The following ZNF626 variants were observed in gnomAD, a reference collection of about 807,000 sequenced individuals.
ZNF626 encodes the protein CTC-513N18.7.
In ZNF626, 4 loss-of-function variants were observed where a neutral mutation model predicts 11.7. That is an observed-to-expected ratio of 0.34 (90% CI 0.17 to 0.78). The LOEUF (loss-of-function observed/expected upper bound fraction) is 0.78. Among genes scored for constraint, ZNF626 ranks in the 30% least tolerant of loss-of-function variants. The pLI is 0.57. For synonymous variants in ZNF626, 179 were observed against 198.6 expected (o/e 0.90, Z 0.83); for missense variants, 588 against 587.1 (o/e 1.00, Z -0.01).
chr19:20,661,518 G>T lies in ZNF626; in HGVS notation c.-72C>A. On this transcript the variant is annotated 5_prime_UTR_variant, in exon 1 of 4. It adds an upstream start codon to the 5' untranslated region. Transcript: ENST00000601440. ...TACCTGCAGGACACGGGGCCACACA[G>T]CCTGGGCCTTTAGGAGAAGAACCAG... 1 of 1,538,242 alleles carries T rather than the reference G, an allele frequency of 6.5e-7. No homozygotes were observed. The highest frequency in any genetic ancestry group is 8.7e-7 in the Non-Finnish European group (1 of 1,144,058).
chr19:20,638,696 T>G (rs8100262), intron 3 of ZNF626, among the ~76,000 whole-genome samples: 68,141 of 151,682 alleles, frequency 0.45, 16,572 homozygotes, highest in African/African-American at 0.64. Flanking sequence ...ATGACAAAGT[T>G]AGTTGATGTA....
intron 1 of ZNF626, among the ~76,000 whole-genome samples, chr19:20,648,762 G>A (rs1182842307): frequency 3.3e-5 from 5 of 152,112 alleles, no homozygotes; most frequent in Admixed American, 3.3e-4. Context: ...CTTTACTAAG[G>A]ACCACAGTTT....
chr19:20,640,245 T>A (rs1228781106), intron 3 of ZNF626, among the ~76,000 whole-genome samples: 7 of 48,176 alleles, frequency 1.5e-4, no homozygotes, highest in Non-Finnish European at 2.1e-4. Flanking sequence ...AAATTATTAA[T>A]TTTAATTATT....
rs1318600234 is a variant in ZNF626 at position 20,623,294 on chromosome 19, T to C, written c.*996A>G. ...ATTAAAGGTTTTGCCACATTCTTCA[T>C]GCTTGTAGGAATTTTGCCAGTATGA... On this transcript the variant is annotated 3_prime_UTR_variant, in exon 4 of 4. Transcript: ENST00000601440. 2.6e-5 allele frequency: 4 copies of C among 152,138 alleles called. No homozygotes were observed. Among genetic ancestry groups the C allele is most frequent in the Admixed American group, 6.5e-5 (1 of 15,268 alleles). The allele number at this position is 152,138 out of a possible 1,614,324, so 9.4% of individuals were successfully genotyped here.
intron 3 of ZNF626, among the ~76,000 whole-genome samples, chr19:20,637,166 T>G (rs1969975430): frequency 6.6e-6 from 1 of 152,124 alleles, no homozygotes; most frequent in African/African-American, 2.4e-5. Flanking sequence ...TTAAAGTTCT[T>G]TTATAGAATA....
In ZNF626 at chr19:20,625,457, G is replaced by A; in HGVS notation, c.420C>T (p.Thr140=). Residue 140 remains threonine (T), a synonymous_variant, in exon 4 of 4, where the codon ACC becomes ACT. Transcript: ENST00000601440. ...YNELNQCLTT[T]PRKICQCDKY... ...TATCACATTGACATATTTTTCTTGG[G>A]GTAGTTGTCAAACATTGGTTAAGTT... is the stretch of plus-strand genomic sequence containing the variant. 1 of 1,613,984 alleles carries A rather than the reference G, an allele frequency of 6.2e-7. No homozygotes were observed. The highest frequency in any genetic ancestry group is 8.5e-7 in the Non-Finnish European group (1 of 1,179,978).
At chr19:20,634,000 A>G (rs1555770677) in intron 3 of ZNF626, among the ~76,000 whole-genome samples, 1 of 152,222 alleles carries the variant, frequency 6.6e-6, no homozygotes, top group Non-Finnish European at 1.5e-5. Flanking sequence ...CACAAGCTAC[A>G]AGTTAAGTTA....
At chr19:20,647,316 GAC>G (rs1332534463) in intron 1 of ZNF626, among the ~76,000 whole-genome samples, 25 of 152,004 alleles carry the variant, frequency 1.6e-4, no homozygotes, top group African/African-American at 5.3e-4. Flanking sequence ...AAAAAATAAG[GAC>G]AGTTGCCAGA....
chr19:20,625,725 A>G (rs1969822804), intron 3 of ZNF626, 75 bp from the exon 4 acceptor site: 3 of 1,414,926 alleles, frequency 2.1e-6, no homozygotes, highest in East Asian at 2.5e-5. Flanking sequence ...TGCAGTTTGT[A>G]TAGTTTTATA....
At chr19:20,655,670 C>T (rs1371248972) in intron 1 of ZNF626, among the ~76,000 whole-genome samples, 4 of 151,980 alleles carry the variant, frequency 2.6e-5, no homozygotes, top group African/African-American at 7.3e-5. Context: ...TGCCTGCAAT[C>T]CCAACACTTT....
At position 20,637,452 on chromosome 19, in the gene ZNF626, T is replaced by A. The variant is rs973974330; in HGVS notation, c.226+8232A>T. 2.0e-5 allele frequency among the ~76,000 whole-genome samples: 3 copies of A among 147,320 alleles called. No homozygotes were observed. In the South Asian group the frequency reaches 6.4e-4, roughly 31 times the overall value. On this transcript the variant is annotated intron_variant, in intron 3 of 3. Coordinates refer to ENST00000601440, the MANE Select transcript of ZNF626 (RefSeq NM_001076675.3). Reference sequence around the variant, plus strand: ...GTGAGCCAAGATTGTGCCATTGCATTCCTGCCTGGACAACAGAGTGACACT... The same window carrying A: ...GTGAGCCAAGATTGTGCCATTGCATACCTGCCTGGACAACAGAGTGACACT...
rs1345035025 is a variant in ZNF626 at position 20,621,541 on chromosome 19, T to C, written c.*2749A>G. 2 of 152,194 alleles carry C rather than the reference T, an allele frequency of 1.3e-5. No homozygotes were observed. Among genetic ancestry groups the C allele is most frequent in the African/African-American group, 4.8e-5 (2 of 41,462 alleles). 9.4% of individuals were successfully genotyped at this position (152,194 alleles called of 1,614,324 possible). On this transcript the variant is annotated 3_prime_UTR_variant, in exon 4 of 4. Coordinates refer to ENST00000601440, the MANE Select transcript of ZNF626 (RefSeq NM_001076675.3). ...AAGTGTATAATTACACTGTTTGGAT[T>C]AGAAAGGATAAATGCTAGAGGTGAC...
At chr19:20,629,814 T>C (rs1969882572) in intron 3 of ZNF626, among the ~76,000 whole-genome samples, 2 of 152,164 alleles carry the variant, frequency 1.3e-5, no homozygotes, top group African/African-American at 4.8e-5. Context: ...TCCAACACTA[T>C]GTTGAATAGG....
At chr19:20,648,383 T>TA (rs1970108014) in intron 1 of ZNF626, among the ~76,000 whole-genome samples, 2 of 151,008 alleles carry the variant, frequency 1.3e-5, no homozygotes, top group Non-Finnish European at 1.5e-5. Context: ...TCTTCTTCTT[T>TA]TTTTTTTTTC....
intron 1 of ZNF626, among the ~76,000 whole-genome samples, chr19:20,659,668 G>A (rs1244958545): frequency 6.6e-6 from 1 of 151,636 alleles, no homozygotes; most frequent in Non-Finnish European, 1.5e-5. Context: ...AACCCATGAA[G>A]ATTTTTTAGT....
Position 20,661,487 on chromosome 19 carries a change from T to C in ZNF626, c.-41A>G, listed in dbSNP as rs781787035. On this transcript the variant is annotated 5_prime_UTR_variant, in exon 1 of 4. Transcript: ENST00000601440. ...GGTCCCGGTGTCTTAGCTGTGGATC[T>C]CCCAATACCTGCAGGACACGGGGCC... 3 of 1,611,970 alleles carry C rather than the reference T, an allele frequency of 1.9e-6. No individual in the cohort carries two copies. In the South Asian group the frequency reaches 3.3e-5, roughly 18 times the overall value.
At chr19:20,643,737 C>G (rs1555771666) in intron 3 of ZNF626, among the ~76,000 whole-genome samples, 1 of 152,164 alleles carries the variant, frequency 6.6e-6, no homozygotes, top group Non-Finnish European at 1.5e-5. Flanking sequence ...GTAATGACAG[C>G]TACATGGTAC....
intron 3 of ZNF626, among the ~76,000 whole-genome samples, chr19:20,626,826 C>T (rs754009238): frequency 9.9e-5 from 15 of 152,086 alleles, no homozygotes; most frequent in African/African-American, 2.7e-4. Flanking sequence ...ATTAGCCTGG[C>T]CAACATGGTA....
Position 20,646,284 on chromosome 19 carries a change from A to G in ZNF626, c.125T>C (p.Phe42Ser). The change falls in exon 2 of 4, where the codon TTC (phenylalanine) becomes TCC (serine). Residue 42 changes from phenylalanine (F) to serine (S), a missense_variant. Physicochemically the swap from Phe to Ser is radical, Grantham distance 155 (BLOSUM62 -2). Around this residue, in one of 4 missense-constraint regions of ZNF626, gnomAD observed 524 missense variants for 470.1 expected, o/e 1.11. Coordinates refer to ENST00000601440, the MANE Select transcript of ZNF626 (RefSeq NM_001076675.3). ...TGTACTCAAGTTATCCTCACCAAGGAAGACCAGGTTACTGTAGTTCTCTAA... is the reference window on the plus strand; with the variant it reads ...TGTACTCAAGTTATCCTCACCAAGGGAGACCAGGTTACTGTAGTTCTCTAA... ...VMLENYSNLV[F>S]LGITVSKPDL... is the part of the protein sequence containing the mutation. 1.2e-6 allele frequency: 2 copies of G among 1,613,680 alleles called. No individual in the cohort carries two copies.
Sources: allele counts gnomAD v4.1 joint callset (sites outside exome capture counted in the v4.1 genomes callset), GRCh38; gene constraint gnomAD v4.1.1; regional missense constraint gnomAD v4.1.1; transcripts MANE v1.5; gene names NCBI Gene and HGNC (gene_info 2026-07-23, HGNC 2026-07-21).